LHFPL3: variants seen among roughly 807,000 people sequenced by gnomAD.
LHFPL3 encodes LHFPL tetraspan subfamily member 3 protein.
LHFPL3 carries 5 observed loss-of-function variants against 19.3 expected under a neutral mutation model. The observed-to-expected ratio is 0.26, with a 90% CI of 0.14 to 0.54. The LOEUF is 0.54. LHFPL3 is among the 20% of genes least tolerant of loss of function. The pLI is 0.94. For missense variants in LHFPL3, 249 were observed against 307.4 expected, an observed-to-expected ratio of 0.81 and a Z score of 1.42; for synonymous variants, 133 against 126.2, an observed-to-expected ratio of 1.05 and a Z score of -0.36.
intron 2 of LHFPL3, chr7:104,757,496 TAAAC>T (rs1229404441): frequency 6.6e-6 from 1 of 151,940 alleles, no homozygotes; most frequent in Admixed American, 6.6e-5. Flanking sequence ...ATAAGGCACT[TAAAC>T]AACTCAACAA....
rs140540738 is a variant in LHFPL3, at chr7:104,552,290, A to G, written c.446-184385A>G. Among the ~76,000 whole-genome samples, 15 of 152,338 alleles carry G rather than the reference A, an allele frequency of 9.8e-5. No homozygotes were observed. The East Asian group carries it at 2.5e-3, about 25-fold the overall frequency. ...AGACCAACGCCTAGTGACTGGGTTT[A>G]GACGTGTCAGCACCATGGACAGCTC... On this transcript the variant is annotated intron_variant, in intron 1 of 2. Transcript: ENST00000424859.
At chr7:104,458,200 T>A (rs937083938) in intron 1 of LHFPL3, among the ~76,000 whole-genome samples, 1 of 151,952 alleles carries the variant, frequency 6.6e-6, no homozygotes, top group African/African-American at 2.4e-5. Context: ...CATGCCTATG[T>A]CCTGAATGGT....
At chr7:104,740,672 A>G (rs1258500606) in intron 2 of LHFPL3, among the ~76,000 whole-genome samples, 4 of 152,254 alleles carry the variant, frequency 2.6e-5, no homozygotes, top group Non-Finnish European at 5.9e-5. Context: ...ACTCCCATTT[A>G]TAAAACCATC....
intron 1 of LHFPL3, 118 bp from the exon 2 acceptor site, chr7:104,736,557 T>C: frequency 1.4e-6 from 1 of 714,418 alleles, no homozygotes; most frequent in Admixed American, 2.4e-5. Flanking sequence ...GATTTGCTGT[T>C]TTTTAAATCA....
chr7:104,592,352 C>T (rs1790742483), intron 1 of LHFPL3, among the ~76,000 whole-genome samples: 1 of 151,434 alleles, frequency 6.6e-6, no homozygotes, highest in South Asian at 2.1e-4. Flanking sequence ...AGTAAGGACC[C>T]TCAGCTGCAG....
chr7:104,824,451 AT>A (rs1790766225), intron 2 of LHFPL3, among the ~76,000 whole-genome samples: 3 of 55,130 alleles, frequency 5.4e-5, no homozygotes, highest in African/African-American at 7.5e-5. Flanking sequence ...ATAATATATA[AT>A]TATATAATTT....
At chr7:104,883,080 A>C (rs2116688387) in intron 2 of LHFPL3, among the ~76,000 whole-genome samples, 1 of 152,298 alleles carries the variant, frequency 6.6e-6, no homozygotes, top group Admixed American at 6.5e-5. Context: ...AAATCTGGCA[A>C]CTCTATGATG....
chr7:104,684,090 T>G (rs184369715), intron 1 of LHFPL3, among the ~76,000 whole-genome samples: 10 of 152,346 alleles, frequency 6.6e-5, no homozygotes, highest in African/African-American at 2.4e-4. Flanking sequence ...AACTCTGGGT[T>G]TAAGTTTTGC....
At chr7:104,604,743 A>T (rs928030369) in intron 1 of LHFPL3, among the ~76,000 whole-genome samples, 3 of 152,080 alleles carry the variant, frequency 2.0e-5, no homozygotes, top group African/African-American at 7.2e-5. Context: ...CTATGATATG[A>T]CTCTTTTTTT....
chr7:104,393,976 A>T (rs1026307102), intron 1 of LHFPL3, among the ~76,000 whole-genome samples: 4 of 152,144 alleles, frequency 2.6e-5, no homozygotes, highest in Non-Finnish European at 4.4e-5. Flanking sequence ...TATTAATGGG[A>T]TGGATTTCTT....
intron 1 of LHFPL3, among the ~76,000 whole-genome samples, chr7:104,402,381 C>T (rs530515758): frequency 6.6e-6 from 1 of 152,158 alleles, no homozygotes; most frequent in Non-Finnish European, 1.5e-5. Flanking sequence ...TAGCCAAGGG[C>T]TTTTGACGAT....
chr7:104,901,124 C>T (rs746937177), intron 2 of LHFPL3, among the ~76,000 whole-genome samples: 3 of 152,210 alleles, frequency 2.0e-5, no homozygotes, highest in Admixed American at 6.5e-5. Context: ...GTGATGGCCA[C>T]ATCTGGAGAG....
At chr7:104,434,369 A>G (rs1395700501) in intron 1 of LHFPL3, among the ~76,000 whole-genome samples, 2 of 152,240 alleles carry the variant, frequency 1.3e-5, no homozygotes, top group African/African-American at 4.8e-5. Flanking sequence ...CAGAGGAGAC[A>G]CTGTATGGAA....
At chr7:104,625,028 T>G (rs745484786) in intron 1 of LHFPL3, among the ~76,000 whole-genome samples, 4 of 152,220 alleles carry the variant, frequency 2.6e-5, no homozygotes, top group Non-Finnish European at 4.4e-5. Context: ...TTATACATCT[T>G]TGCACAATAG....
chr7:104,789,239 C>G (rs954998485), intron 2 of LHFPL3, among the ~76,000 whole-genome samples: 3 of 152,182 alleles, frequency 2.0e-5, no homozygotes, highest in Non-Finnish European at 4.4e-5. Context: ...TGTTCTCTTT[C>G]TCTCCCTCTT....
chr7:104,352,595 T>C (rs1043684067), intron 1 of LHFPL3, among the ~76,000 whole-genome samples: 2 of 152,226 alleles, frequency 1.3e-5, no homozygotes, highest in Non-Finnish European at 2.9e-5. Context: ...CTCATCTTCC[T>C]AATGTACCCT....
intron 1 of LHFPL3, among the ~76,000 whole-genome samples, chr7:104,370,032 G>A (rs1790579781): frequency 6.6e-6 from 1 of 152,104 alleles, no homozygotes; most frequent in Non-Finnish European, 1.5e-5. Context: ...ATACATGTTA[G>A]CCATGTATTG....
Position 104,696,014 on chromosome 7 carries a change from G to T in LHFPL3, c.446-40661G>T, listed in dbSNP as rs544608001. On this transcript the variant is annotated intron_variant, in intron 1 of 2. Transcript: ENST00000424859. ...TGCCCAGACTGGAGTGCAGTGGCACGATCTTGGCTCACTGCAACCTCCGCC... is the reference window on the plus strand; with the variant it reads ...TGCCCAGACTGGAGTGCAGTGGCACTATCTTGGCTCACTGCAACCTCCGCC... Among the ~76,000 whole-genome samples the T allele has an allele frequency of 5.4e-4, 82 of 152,184 alleles. No individual in the cohort carries two copies. In the South Asian group the frequency reaches 1.0e-2, roughly 18 times the overall value.
At chr7:104,348,059 C>T (rs1182315575) in intron 1 of LHFPL3, among the ~76,000 whole-genome samples, 1 of 152,136 alleles carries the variant, frequency 6.6e-6, no homozygotes, top group Non-Finnish European at 1.5e-5. Flanking sequence ...AATGGGAGAT[C>T]GTATCATTTC....
Sources: gnomAD v4.1 joint callset for allele counts (sites outside exome capture counted in the v4.1 genomes callset) on GRCh38, gnomAD v4.1.1 for gene constraint, MANE v1.5 for transcripts, NCBI Gene and HGNC (gene_info 2026-07-23, HGNC 2026-07-21) for gene names.